Variants in CUX2 observed in about 807,000 individuals in gnomAD.
CUX2 encodes cut like homeobox 2, also known as homeobox protein cut-like 2.
A neutral mutation model predicts 144.8 loss-of-function variants in CUX2; 40 were observed. The observed-to-expected ratio is 0.28, with a 90% CI of 0.21 to 0.36. CUX2 has a LOEUF of 0.36. CUX2 is among the 10% of genes least tolerant of loss of function. The pLI, the probability that CUX2 is intolerant of heterozygous loss-of-function variation, is 1.00. For missense variants in CUX2, 1,615 were observed against 1,994.0 expected (o/e 0.81, Z 3.62); for synonymous variants, 827 against 875.6 (o/e 0.94, Z 0.98).
rs1186181656 is a variant in CUX2, at chr12:111,078,595, G to A, written c.63+44355G>A. The stretch of plus-strand genomic sequence containing the variant: ...TGAGGCGGGAGGATCACTTGAGCCT[G>A]GGAATTTGAGGCTGCAGCGAGCTAT... On this transcript the variant is annotated intron_variant, in intron 1 of 21. Coordinates refer to ENST00000261726, the MANE Select transcript of CUX2 (RefSeq NM_015267.4). 4.6e-5 allele frequency among the ~76,000 whole-genome samples: 7 copies of A among 152,170 alleles called. No homozygotes were observed. In the South Asian group the frequency reaches 1.2e-3, roughly 27 times the overall value.
intron 1 of CUX2, among the ~76,000 whole-genome samples, chr12:111,134,612 C>CTGTGTGTGTGTGTGTGTGTGTG (rs1228524853): frequency 7.0e-6 from 1 of 143,806 alleles, no homozygotes; most frequent in African/African-American, 3.0e-5. Flanking sequence ...CTCTCTCTCT[C>CTGTGTGTGTGTGTGTGTGTGTG]TCTCTCTCTG....
rs1887450870 is a variant in CUX2, at chr12:111,320,278, G to T, written c.2269G>T (p.Ala757Ser). ...QEEGSGGPAQ[A>S]PLPVLSPAAF... Reference sequence around the variant, plus strand: ...GGAGGGCAGCGGGGGCCCCGCGCAGGCGCCGCTCCCGGTCCTGTCCCCCGC... The same window carrying T: ...GGAGGGCAGCGGGGGCCCCGCGCAGTCGCCGCTCCCGGTCCTGTCCCCCGC... Residue 757 changes from alanine (A) to serine (S), a missense_variant, in exon 17 of 22, where the codon GCG (alanine) becomes TCG (serine). Around this residue, in one of 12 missense-constraint regions of CUX2, gnomAD observed 390 missense variants for 387.1 expected, o/e 1.01. Transcript: ENST00000261726. This position sits in a 1 kb window ranked among gnomAD's most constrained non-coding sequence, Gnocchi z 8.1. 1.3e-6 allele frequency: 2 copies of T among 1,595,178 alleles called. No homozygotes were observed. Among genetic ancestry groups the T allele is most frequent in the African/African-American group, 1.3e-5 (1 of 74,678 alleles).
At chr12:111,052,621 T>C (rs1242566950) in intron 1 of CUX2, among the ~76,000 whole-genome samples, 1 of 152,122 alleles carries the variant, frequency 6.6e-6, no homozygotes, top group African/African-American at 2.4e-5. Context: ...GTGTGTGTCT[T>C]TGTATCTGTG....
At chr12:111,210,365 A>C (rs901025899) in intron 1 of CUX2, among the ~76,000 whole-genome samples, 2 of 152,096 alleles carry the variant, frequency 1.3e-5, no homozygotes, top group Admixed American at 1.3e-4. Flanking sequence ...TGATACAGTA[A>C]CATTTGGCAA....
chr12:111,258,366 A>T (rs2136284569), intron 3 of CUX2, among the ~76,000 whole-genome samples: 1 of 152,310 alleles, frequency 6.6e-6, no homozygotes, highest in East Asian at 1.9e-4. Context: ...TATAAAAATT[A>T]GCCAGGCGTG....
intron 1 of CUX2, among the ~76,000 whole-genome samples, chr12:111,126,051 G>T (rs181486789): frequency 2.7e-5 from 4 of 149,452 alleles, no homozygotes; most frequent in East Asian, 1.9e-4. Flanking sequence ...GCGTGGGGGG[G>T]GCGGATTTAT....
At position 111,190,046 on chromosome 12, in the gene CUX2, T is replaced by A. The variant is rs1879785750; in HGVS notation, c.64-24154T>A. ...GTGGGTATGTAGCACTATCTCCTTG[T>A]GGCTTAAATTTTCATTTCCTTGGTG... is the stretch of plus-strand genomic sequence containing the variant. On this transcript the variant is annotated intron_variant, in intron 1 of 21. Coordinates refer to ENST00000261726, the MANE Select transcript of CUX2 (RefSeq NM_015267.4). The surrounding 1 kb of genome is among the most constrained non-coding windows in gnomAD (Gnocchi z 4.0). Among the ~76,000 whole-genome samples, 1 of 152,216 alleles carries A rather than the reference T, an allele frequency of 6.6e-6. No individual in the cohort carries two copies. The highest frequency in any genetic ancestry group is 1.9e-4 in the East Asian group (1 of 5,202).
At position 111,310,690 on chromosome 12, in the gene CUX2, C is replaced by A; in HGVS notation, c.1900+8C>A. 6.4e-7 allele frequency: 1 copy of A among 1,572,608 alleles called. No homozygotes were observed. Among genetic ancestry groups the A allele is most frequent in the Non-Finnish European group, 8.7e-7 (1 of 1,153,716 alleles). ...TCCAAGTGCGGCAGCGAGGTGAGTG[C>A]CCAAGAGGGCCCGTCCCCGCTGGCC... On this transcript the variant is annotated splice_region_variant and intron_variant, in intron 15 of 21. Transcript: ENST00000261726. This position sits in a 1 kb window ranked among gnomAD's most constrained non-coding sequence, Gnocchi z 7.9.
At position 111,304,997 on chromosome 12, in the gene CUX2, C is replaced by T. The variant is rs1886501799; in HGVS notation, c.858+683C>T. Among the ~76,000 whole-genome samples the T allele has an allele frequency of 2.0e-5, 3 of 152,196 alleles. No individual in the cohort carries two copies. Among genetic ancestry groups the T allele is most frequent in the Admixed American group, 6.5e-5 (1 of 15,276 alleles). Reference sequence around the variant, plus strand: ...CACCCCAGCCACATGCTATGAAGAGCCAGTCTTCGGTGATCAACCCTGAGG... The same window carrying T: ...CACCCCAGCCACATGCTATGAAGAGTCAGTCTTCGGTGATCAACCCTGAGG... On this transcript the variant is annotated intron_variant, in intron 10 of 21. Coordinates refer to ENST00000261726, the MANE Select transcript of CUX2 (RefSeq NM_015267.4). The surrounding 1 kb of genome is among the most constrained non-coding windows in gnomAD (Gnocchi z 4.7).
At position 111,322,841 on chromosome 12, in the gene CUX2, C is replaced by T. The variant is rs1887602430; in HGVS notation, c.2926+261C>T. Among the ~76,000 whole-genome samples, 1 of 152,314 alleles carries T rather than the reference C, an allele frequency of 6.6e-6. No individual in the cohort carries two copies. The highest frequency in any genetic ancestry group is 6.5e-5 in the Admixed American group (1 of 15,296). On this transcript the variant is annotated intron_variant, in intron 18 of 21. Transcript: ENST00000261726. This position sits in a 1 kb window ranked among gnomAD's most constrained non-coding sequence, Gnocchi z 4.2. ...TGCACTGGGTCCTGGCTTTAAGCCTCCAAGTGGCTCCATGGTGCTCAGAGC... is the reference window on the plus strand; with the variant it reads ...TGCACTGGGTCCTGGCTTTAAGCCTTCAAGTGGCTCCATGGTGCTCAGAGC...
intron 16 of CUX2, among the ~76,000 whole-genome samples, chr12:111,315,867 A>G (rs1352090925): frequency 6.6e-6 from 1 of 152,200 alleles, no homozygotes; most frequent in African/African-American, 2.4e-5. Context: ...AAAAGAAAAA[A>G]AGAAAAAAAA....
At chr12:111,203,264 G>A (rs571397288) in intron 1 of CUX2, among the ~76,000 whole-genome samples, 1 of 149,852 alleles carries the variant, frequency 6.7e-6, no homozygotes, top group Non-Finnish European at 1.5e-5. Flanking sequence ...ATCAGTAAGG[G>A]CCAGGTGCAG....
At chr12:111,191,463 C>T (rs970635470) in intron 1 of CUX2, among the ~76,000 whole-genome samples, 8 of 152,100 alleles carry the variant, frequency 5.3e-5, no homozygotes, top group African/African-American at 1.9e-4. Context: ...TCCGGAGTAG[C>T]TGAGATTACA....
At position 111,288,824 on chromosome 12, in the gene CUX2, G is replaced by A. The variant is rs534477262; in HGVS notation, c.302-2594G>A. Among the ~76,000 whole-genome samples, 13 of 152,158 alleles carry A rather than the reference G, an allele frequency of 8.5e-5. 1 individual carries two copies. The highest frequency in any genetic ancestry group is 6.5e-4 in the Admixed American group (10 of 15,278). ...CCAAAAATATAAAAATTAGCTGGGT[G>A]TGATGGCGCGCATCTGTAATCTCAG... On this transcript the variant is annotated intron_variant, in intron 4 of 21. Coordinates refer to ENST00000261726, the MANE Select transcript of CUX2 (RefSeq NM_015267.4).
intron 10 of CUX2, among the ~76,000 whole-genome samples, chr12:111,305,383 T>C (rs899250983): frequency 6.6e-6 from 1 of 152,214 alleles, no homozygotes; most frequent in African/African-American, 2.4e-5. Context: ...TATGTCTCTC[T>C]TTCTGTTTGA....
intron 4 of CUX2, among the ~76,000 whole-genome samples, chr12:111,265,726 T>C (rs1884354082): frequency 6.6e-6 from 1 of 152,158 alleles, no homozygotes; most frequent in Non-Finnish European, 1.5e-5. Context: ...AGAGTTGAAA[T>C]GATCTGCTTA....
intron 1 of CUX2, among the ~76,000 whole-genome samples, chr12:111,051,654 T>C (rs1165456178): frequency 6.6e-6 from 1 of 152,210 alleles, no homozygotes; most frequent in Non-Finnish European, 1.5e-5. Context: ...ATAGACAACA[T>C]ATAGTTGGAT....
chr12:111,332,315 G>GTTTTTTTTTTTTT (rs1888155991), intron 18 of CUX2, among the ~76,000 whole-genome samples: 1 of 141,454 alleles, frequency 7.1e-6, no homozygotes, highest in African/African-American at 3.0e-5. Flanking sequence ...GTATTTTTTA[G>GTTTTTTTTTTTTT]TAGAGACGGG....
chr12:111,311,599 TA>T (rs1267045918), intron 15 of CUX2, among the ~76,000 whole-genome samples: 3 of 120,646 alleles, frequency 2.5e-5, no homozygotes, highest in African/African-American at 4.1e-5. Context: ...TCTTTATTAT[TA>T]TTATTTTTTT....
Sources: allele counts gnomAD v4.1 joint callset (sites outside exome capture counted in the v4.1 genomes callset), GRCh38; gene constraint gnomAD v4.1.1; regional missense constraint gnomAD v4.1.1; non-coding constraint Gnocchi (gnomAD v3.1); transcripts MANE v1.5; gene names NCBI Gene and HGNC (gene_info 2026-07-23, HGNC 2026-07-21).